The following TOX variants were observed in gnomAD, a reference collection of about 807,000 sequenced individuals.
TOX encodes thymocyte selection associated high mobility group box.
TOX carries 11 observed loss-of-function variants against 53.7 expected under a neutral mutation model. The observed-to-expected ratio is 0.20, with a 90% CI of 0.13 to 0.34. TOX has a LOEUF of 0.34. Among genes scored for constraint, TOX ranks in the 10% least tolerant of loss-of-function variants. TOX has a pLI of 1.00. For missense variants in TOX, 570 were observed against 664.6 expected, an observed-to-expected ratio of 0.86 and a Z score of 1.56; for synonymous variants, 225 against 245.3, an observed-to-expected ratio of 0.92 and a Z score of 0.77.
chr8:58,977,334 T>C (rs1224878702), intron 1 of TOX, among the ~76,000 whole-genome samples: 4 of 152,236 alleles, frequency 2.6e-5, no homozygotes, highest in Admixed American at 6.5e-5. Flanking sequence ...TCAACCTTTA[T>C]AGAATTGAAG....
At chr8:59,058,725 G>A (rs987320855) in intron 1 of TOX, among the ~76,000 whole-genome samples, 5 of 152,180 alleles carry the variant, frequency 3.3e-5, no homozygotes, top group African/African-American at 4.8e-5. Context: ...GGTTCCAGAA[G>A]GAGCTCAGGA....
In TOX at chr8:59,048,402, G is replaced by A. The variant is rs931050366; in HGVS notation, c.102+70484C>T. Among the ~76,000 whole-genome samples, 4 of 152,114 alleles carry A rather than the reference G, an allele frequency of 2.6e-5. 1 individual carries two copies. The highest frequency in any genetic ancestry group is 9.7e-5 in the African/African-American group (4 of 41,414). On this transcript the variant is annotated intron_variant, in intron 1 of 8. Coordinates refer to ENST00000361421, the MANE Select transcript of TOX (RefSeq NM_014729.3). ...ACAGTTCCATGAAAGCTCCACATTAGAACATAATAGATAATTCCCCCTTTT... is the reference window on the plus strand; with the variant it reads ...ACAGTTCCATGAAAGCTCCACATTAAAACATAATAGATAATTCCCCCTTTT...
intron 1 of TOX, among the ~76,000 whole-genome samples, chr8:59,090,204 C>G (rs1804586537): frequency 6.6e-6 from 1 of 152,136 alleles, no homozygotes. Context: ...CCTAGGAAAA[C>G]TTTTCTCAAG....
chr8:58,811,552 G>A (rs1249214603), intron 7 of TOX, among the ~76,000 whole-genome samples: 1 of 152,138 alleles, frequency 6.6e-6, no homozygotes, highest in Non-Finnish European at 1.5e-5. Context: ...GTCTGGAGAG[G>A]TATTTTCAAC....
At chr8:59,006,869 T>C (rs566574781) in intron 1 of TOX, among the ~76,000 whole-genome samples, 30 of 152,314 alleles carry the variant, frequency 2.0e-4, no homozygotes, top group Middle Eastern at 3.4e-3. Context: ...CCCATTTTGA[T>C]GTAGGTCTCT....
chr8:59,034,422 C>T (rs995343668), intron 1 of TOX, among the ~76,000 whole-genome samples: 3 of 152,228 alleles, frequency 2.0e-5, no homozygotes, highest in Non-Finnish European at 4.4e-5. Flanking sequence ...ATATCCTTCC[C>T]TATCCCCACC....
At chr8:58,877,282 C>A (rs1193366242) in intron 3 of TOX, among the ~76,000 whole-genome samples, 2 of 152,142 alleles carry the variant, frequency 1.3e-5, no homozygotes, top group African/African-American at 4.8e-5. Flanking sequence ...TTCCTATAAA[C>A]ATGAAAGTCT....
chr8:59,054,105 G>C (rs544184816), intron 1 of TOX, among the ~76,000 whole-genome samples: 1 of 152,112 alleles, frequency 6.6e-6, no homozygotes, highest in African/African-American at 2.4e-5. Flanking sequence ...GTGTGAGAAT[G>C]AATGGCCAAA....
At chr8:59,079,891 C>A (rs1302121385) in intron 1 of TOX, among the ~76,000 whole-genome samples, 3 of 152,218 alleles carry the variant, frequency 2.0e-5, no homozygotes, top group Non-Finnish European at 4.4e-5. Context: ...CCCTGCAAAG[C>A]CACAGGAGTG....
At chr8:59,083,540 C>T (rs1467307700) in intron 1 of TOX, among the ~76,000 whole-genome samples, 1 of 152,080 alleles carries the variant, frequency 6.6e-6, no homozygotes, top group Non-Finnish European at 1.5e-5. Flanking sequence ...AATAAGAGTG[C>T]TTTGAAATAA....
chr8:58,866,833 G>A (rs1483777649), intron 3 of TOX, among the ~76,000 whole-genome samples: 7 of 152,142 alleles, frequency 4.6e-5, no homozygotes, highest in African/African-American at 7.2e-5. Flanking sequence ...TGGGTAAAAC[G>A]TGGTTTAATG....
chr8:59,003,922 A>AAAGTAAAAATACAAGACCAAAGT (rs1813741928), intron 1 of TOX, among the ~76,000 whole-genome samples: 1 of 152,234 alleles, frequency 6.6e-6, no homozygotes, highest in East Asian at 1.9e-4. Flanking sequence ...TGAAGTATGT[A>AAAGTAAAAATACAAGACCAAAGT]AAATACAAGA....
chr8:59,080,377 A>C (rs1219404214), intron 1 of TOX, among the ~76,000 whole-genome samples: 1 of 151,792 alleles, frequency 6.6e-6, no homozygotes, highest in Non-Finnish European at 1.5e-5. Flanking sequence ...ACCTTGTTCT[A>C]TATTTTACAG....
rs376055079 is a variant in TOX, at chr8:59,118,981, C to T, written c.7G>A (p.Val3Ile). Residue 3 changes from valine to isoleucine, a missense_variant, in exon 1 of 9, where the codon GTA (valine) becomes ATA (isoleucine). Transcript: ENST00000361421. This position sits in a 1 kb window ranked among gnomAD's most constrained non-coding sequence, Gnocchi z 4.1. MD[V>I]RFYPPPAQPA... is the part of the protein sequence containing the mutation. ...TGGGCTGGAGGTGGATAAAATCTTA[C>T]GTCCATTTCACTCTCACATCAAGCA... 4 of 1,601,734 alleles carry T rather than the reference C, an allele frequency of 2.5e-6. No homozygotes were observed. Among genetic ancestry groups the T allele is most frequent in the Non-Finnish European group, 2.6e-6 (3 of 1,172,960 alleles).
Position 58,869,246 on chromosome 8 carries a change from G to A in TOX, c.412-17441C>T, listed in dbSNP as rs567172329. Among the ~76,000 whole-genome samples the A allele has an allele frequency of 9.0e-4, 120 of 132,600 alleles. 4 individuals are homozygous for A. The South Asian group carries it at 0.026, about 29-fold the overall frequency. 87.0% of individuals were successfully genotyped at this position (132,600 alleles called of 152,430 possible). On this transcript the variant is annotated intron_variant, in intron 3 of 8. Transcript: ENST00000361421. ...GTCTCAAAAAAAAAAAAAAAAAAGC[G>A]TTAATAGAAGTATAATATGAATAAG...
chr8:58,932,163 C>T (rs909652476), intron 3 of TOX, among the ~76,000 whole-genome samples: 33 of 152,008 alleles, frequency 2.2e-4, no homozygotes, highest in African/African-American at 7.0e-4. Flanking sequence ...AACCAACCCG[C>T]ATATTTATTG....
intron 6 of TOX, among the ~76,000 whole-genome samples, chr8:58,826,374 C>A (rs58685399): frequency 3.3e-5 from 5 of 152,058 alleles, no homozygotes; most frequent in African/African-American, 1.2e-4. Flanking sequence ...TATTTTTAAG[C>A]GGTGTTTTTA....
intron 3 of TOX, among the ~76,000 whole-genome samples, chr8:58,927,743 A>G (rs1319043941): frequency 1.3e-5 from 2 of 152,178 alleles, no homozygotes; most frequent in African/African-American, 4.8e-5. Flanking sequence ...GAGGTGAATA[A>G]CACAGTAGCT....
chr8:58,837,651 G>A (rs535136279), intron 5 of TOX, among the ~76,000 whole-genome samples: 15 of 152,272 alleles, frequency 9.9e-5, no homozygotes, highest in African/African-American at 3.1e-4. Context: ...GGCTAGGGGC[G>A]GAAACCCTTG....
Sources: allele counts gnomAD v4.1 joint callset (sites outside exome capture counted in the v4.1 genomes callset), GRCh38; gene constraint gnomAD v4.1.1; non-coding constraint Gnocchi (gnomAD v3.1); transcripts MANE v1.5; gene names NCBI Gene and HGNC (gene_info 2026-07-23, HGNC 2026-07-21).